SLCO3A1: variants seen among roughly 807,000 people sequenced by gnomAD.
SLCO3A1 encodes the protein solute carrier organic anion transporter family member 3A1.
Under a neutral mutation model 63.1 loss-of-function variants are expected in SLCO3A1, and 27 were observed. That is an observed-to-expected ratio of 0.43 (90% confidence interval 0.32 to 0.59). The LOEUF is 0.59. SLCO3A1 is among the 20% of genes least tolerant of loss of function. SLCO3A1 has a pLI of 0.09. For synonymous variants in SLCO3A1, 473 were observed against 409.9 expected (o/e 1.15, Z -1.86); for missense variants, 773 against 945.8 (o/e 0.82, Z 2.40).
intron 1 of SLCO3A1, among the ~76,000 whole-genome samples, chr15:91,876,257 T>C (rs1275129922): frequency 1.3e-5 from 2 of 152,222 alleles, no homozygotes; most frequent in Non-Finnish European, 2.9e-5. Flanking sequence ...AGTCTGCCTC[T>C]AAAGGACCAA....
chr15:91,985,865 G>C (rs1017395728), intron 2 of SLCO3A1, among the ~76,000 whole-genome samples: 13 of 152,198 alleles, frequency 8.5e-5, no homozygotes, highest in African/African-American at 3.1e-4. Flanking sequence ...AGGAATGAGT[G>C]CACGGAGCTG....
intron 1 of SLCO3A1, among the ~76,000 whole-genome samples, chr15:91,891,201 T>C (rs965238841): frequency 1.3e-5 from 2 of 151,296 alleles, no homozygotes; most frequent in African/African-American, 2.4e-5. Flanking sequence ...GGGGAAATTG[T>C]GATGGACCAT....
Position 92,033,751 on chromosome 15 carries a change from G to C in SLCO3A1, c.647-61130G>C, listed in dbSNP as rs534014616. Among the ~76,000 whole-genome samples the C allele has an allele frequency of 3.9e-5, 6 of 152,296 alleles. No homozygotes were observed. The East Asian group carries it at 1.2e-3, about 29-fold the overall frequency. ...AAAGACGGGGATAGGAGTGTTGGGA[G>C]TCGTACAGTTTTAGTGTCAGAGGGG... On this transcript the variant is annotated intron_variant, in intron 2 of 9. Transcript: ENST00000318445. This position sits in a 1 kb window ranked among gnomAD's most constrained non-coding sequence, Gnocchi z 4.5.
downstream of SLCO3A1, among the ~76,000 whole-genome samples, chr15:92,167,542 C>T (rs1251405805): frequency 3.3e-5 from 5 of 152,320 alleles, no homozygotes; most frequent in South Asian, 8.3e-4. Flanking sequence ...TCACAACAGC[C>T]GCAAGAACGT....
At chr15:92,061,374 T>C (rs2047084442) in intron 2 of SLCO3A1, among the ~76,000 whole-genome samples, 1 of 152,154 alleles carries the variant, frequency 6.6e-6, no homozygotes, top group African/African-American at 2.4e-5. Context: ...CTGAGTTCCA[T>C]CCCAGGGATC....
In SLCO3A1 at chr15:92,124,520, T is replaced by G. The variant is rs116214171; in HGVS notation, c.1175-1541T>G. ...CACATCCAATCTGTTCCTTAGCTCATTCATTCTGAAAATAATACTTGGATG... is the reference window on the plus strand; with the variant it reads ...CACATCCAATCTGTTCCTTAGCTCAGTCATTCTGAAAATAATACTTGGATG... On this transcript the variant is annotated intron_variant, in intron 5 of 9. Coordinates refer to ENST00000318445, the MANE Select transcript of SLCO3A1 (RefSeq NM_013272.4). 6.0e-3 allele frequency among the ~76,000 whole-genome samples: 910 copies of G among 152,270 alleles called. 6 individuals carry two copies. Among genetic ancestry groups the G allele is most frequent in the African/African-American group, 0.02 (844 of 41,542 alleles).
chr15:92,167,749 C>T (rs1291952571), downstream of SLCO3A1, among the ~76,000 whole-genome samples: 1 of 152,188 alleles, frequency 6.6e-6, no homozygotes, highest in Non-Finnish European at 1.5e-5. Context: ...CAGCCACCCA[C>T]GCCTGCCTCA....
rs1555424455 is a variant in SLCO3A1, at chr15:92,016,262, A to ATTGAT, written c.647-78618_647-78617insTGATT. The stretch of plus-strand genomic sequence containing the variant: ...ATAGATAGATAGATAGATTAGATAG[A>ATTGAT]TAGATAGATAGATAGATAGATGTTA... On this transcript the variant is annotated intron_variant, in intron 2 of 9. Coordinates refer to ENST00000318445, the MANE Select transcript of SLCO3A1 (RefSeq NM_013272.4). Among the ~76,000 whole-genome samples the ATTGAT allele has an allele frequency of 2.4e-3, 273 of 112,854 alleles. 3 individuals carry two copies. Among genetic ancestry groups the ATTGAT allele is most frequent in the African/African-American group, 8.3e-3 (250 of 30,112 alleles). The allele number at this position is 112,854 out of a possible 152,430, so 74.0% of individuals were successfully genotyped here. A position where few individuals can be genotyped will look rare whatever the true frequency, so the allele number is the denominator to read the frequency against.
chr15:91,996,860 A>G (rs1386319883), intron 2 of SLCO3A1, among the ~76,000 whole-genome samples: 1 of 152,206 alleles, frequency 6.6e-6, no homozygotes, highest in Admixed American at 6.5e-5. Context: ...CATCCTGAGT[A>G]TGAAAAGCCA....
Position 92,164,519 on chromosome 15 carries a change from C to T in SLCO3A1, c.*1384C>T, listed in dbSNP as rs987827715. 1 of 985,274 alleles carries T rather than the reference C, an allele frequency of 1.0e-6. No individual in the cohort carries two copies. The highest frequency in any genetic ancestry group is 1.7e-5 in the African/African-American group (1 of 57,220). 61.0% of individuals were successfully genotyped at this position (985,274 alleles called of 1,614,324 possible). A position where few individuals can be genotyped will look rare whatever the true frequency, so the allele number is the denominator to read the frequency against. On this transcript the variant is annotated 3_prime_UTR_variant, in exon 10 of 10. Transcript: ENST00000318445. ...TTCTTTTCAGCCTGTGGAGGAGACA[C>T]TCTTAGATGTGGGTTTGTGTGTATG... is the stretch of plus-strand genomic sequence containing the variant.
rs1260114003 is a variant in SLCO3A1, at chr15:91,859,865, T to G, written c.180+5777T>G. Among the ~76,000 whole-genome samples the G allele has an allele frequency of 6.6e-6, 1 of 152,224 alleles. No homozygotes were observed. Among genetic ancestry groups the G allele is most frequent in the African/African-American group, 2.4e-5 (1 of 41,460 alleles). On this transcript the variant is annotated intron_variant, in intron 1 of 9. Transcript: ENST00000318445. This position sits in a 1 kb window ranked among gnomAD's most constrained non-coding sequence, Gnocchi z 5.1. ...TAGCCCCAACCAATGAGAAATAAAA[T>G]TATTTCAATTAAACTTTAGTTTTGG...
At chr15:91,961,316 G>T (rs1236437839) in intron 2 of SLCO3A1, among the ~76,000 whole-genome samples, 1 of 152,226 alleles carries the variant, frequency 6.6e-6, no homozygotes, top group Non-Finnish European at 1.5e-5. Flanking sequence ...TTGAACTTTT[G>T]AGGCTTTCTC....
rs1469623998 is a variant in SLCO3A1, at chr15:91,883,319, T to C, written c.180+29231T>C. On this transcript the variant is annotated intron_variant, in intron 1 of 9. Coordinates refer to ENST00000318445, the MANE Select transcript of SLCO3A1 (RefSeq NM_013272.4). The surrounding 1 kb of genome is among the most constrained non-coding windows in gnomAD (Gnocchi z 4.8). ...CACCGGGACCCTAGAATCCCCTCTTTCTGGTTTGCTTTTTCACTCCATCAG... is the reference window on the plus strand; with the variant it reads ...CACCGGGACCCTAGAATCCCCTCTTCCTGGTTTGCTTTTTCACTCCATCAG... Among the ~76,000 whole-genome samples, 1 of 152,104 alleles carries C rather than the reference T, an allele frequency of 6.6e-6. No individual in the cohort carries two copies. Among genetic ancestry groups the C allele is most frequent in the Non-Finnish European group, 1.5e-5 (1 of 68,022 alleles).
At chr15:91,966,335 T>C (rs886141225) in intron 2 of SLCO3A1, among the ~76,000 whole-genome samples, 8 of 152,180 alleles carry the variant, frequency 5.3e-5, no homozygotes, top group Admixed American at 1.3e-4. Context: ...AAGAGGTTTG[T>C]AGCCAGGGGA....
rs1897032524 is a variant in SLCO3A1 at position 91,860,912 on chromosome 15, A to G, written c.180+6824A>G. Among the ~76,000 whole-genome samples, 1 of 152,152 alleles carries G rather than the reference A, an allele frequency of 6.6e-6. No homozygotes were observed. The highest frequency in any genetic ancestry group is 1.5e-5 in the Non-Finnish European group (1 of 68,022). On this transcript the variant is annotated intron_variant, in intron 1 of 9. Coordinates refer to ENST00000318445, the MANE Select transcript of SLCO3A1 (RefSeq NM_013272.4). This position sits in a 1 kb window ranked among gnomAD's most constrained non-coding sequence, Gnocchi z 5.5. Reference sequence around the variant, plus strand: ...GCAGAACAATGGACCTGTTCCTGCAACCTGGTTTCCCATCCCATGGATTCA... The same window carrying G: ...GCAGAACAATGGACCTGTTCCTGCAGCCTGGTTTCCCATCCCATGGATTCA...
rs202247171 is a variant in SLCO3A1 at position 92,137,543 on chromosome 15, T to C, written c.1512+9054T>C. ...TTCTAGTTCTAGATCCCTGAGGAAT[T>C]GCCACACTGACTTCCACAATGGTTG... On this transcript the variant is annotated intron_variant, in intron 7 of 9. Transcript: ENST00000318445. Among the ~76,000 whole-genome samples the C allele has an allele frequency of 7.8e-3, 752 of 95,946 alleles. 160 individuals are homozygous for C. The highest frequency in any genetic ancestry group is 0.033 in the East Asian group (95 of 2,864). The allele number at this position is 95,946 out of a possible 152,430, so 62.9% of individuals were successfully genotyped here. A position where few individuals can be genotyped will look rare whatever the true frequency, so the allele number is the denominator to read the frequency against.
chr15:92,136,984 T>TA (rs397724826), intron 7 of SLCO3A1, among the ~76,000 whole-genome samples: 10 of 144,286 alleles, frequency 6.9e-5, no homozygotes, highest in Admixed American at 2.7e-4. Flanking sequence ...TTTTTTTTTT[T>TA]AATTATACTT....
intron 2 of SLCO3A1, among the ~76,000 whole-genome samples, chr15:91,956,987 TA>T (rs1900212781): frequency 3.8e-5 from 1 of 26,074 alleles, no homozygotes; most frequent in Non-Finnish European, 5.8e-5. Context: ...GTATATATAA[TA>T]TATAGTATAT....
At chr15:91,921,891 G>A (rs1039351562) in intron 2 of SLCO3A1, among the ~76,000 whole-genome samples, 3 of 151,642 alleles carry the variant, frequency 2.0e-5, no homozygotes, top group Non-Finnish European at 4.4e-5. Flanking sequence ...CACCACACCC[G>A]GTTACTTTTT....
Sources: allele counts gnomAD v4.1 joint callset (sites outside exome capture counted in the v4.1 genomes callset), GRCh38; gene constraint gnomAD v4.1.1; non-coding constraint Gnocchi (gnomAD v3.1); transcripts MANE v1.5; gene names NCBI Gene and HGNC (gene_info 2026-07-23, HGNC 2026-07-21).